The following PDE4B variants were observed in gnomAD, a reference collection of about 807,000 sequenced individuals.
The protein encoded by PDE4B is phosphodiesterase 4B.
A neutral mutation model predicts 82.2 loss-of-function variants in PDE4B; 20 were observed. The ratio of observed to expected loss-of-function variants is 0.24; its 90% confidence interval spans 0.17 to 0.35. PDE4B has a LOEUF of 0.35. PDE4B is among the 10% of genes least tolerant of loss of function. The pLI, the probability that PDE4B is intolerant of heterozygous loss-of-function variation, is 1.00. For synonymous variants in PDE4B, 320 were observed against 318.9 expected (o/e 1.00, Z -0.04); for missense variants, 655 against 907.2 (o/e 0.72, Z 3.57).
intron 7 of PDE4B, among the ~76,000 whole-genome samples, chr1:66,294,428 T>C (rs532632075): frequency 1.1e-4 from 16 of 152,294 alleles, no homozygotes; most frequent in Admixed American, 6.5e-4. Flanking sequence ...TCTACTGATA[T>C]TGGCCATCAA....
intron 3 of PDE4B, among the ~76,000 whole-genome samples, chr1:66,138,322 G>A (rs529479006): frequency 1.6e-4 from 25 of 152,234 alleles, no homozygotes; most frequent in African/African-American, 6.0e-4. Context: ...AGTTCGAGAT[G>A]AGCCTGGCCA....
intron 3 of PDE4B, among the ~76,000 whole-genome samples, chr1:66,038,584 A>C (rs1284132029): frequency 6.6e-6 from 1 of 152,156 alleles, no homozygotes; most frequent in African/African-American, 2.4e-5. Context: ...GATATCTGAG[A>C]TGGTAGAAAT....
chr1:66,009,886 A>G (rs1282844255), intron 3 of PDE4B, among the ~76,000 whole-genome samples: 4 of 149,718 alleles, frequency 2.7e-5, no homozygotes, highest in Non-Finnish European at 5.9e-5. Flanking sequence ...TCTATTTCAT[A>G]TCCATATGAT....
intron 7 of PDE4B, among the ~76,000 whole-genome samples, chr1:66,299,441 A>G (rs895220505): frequency 1.3e-5 from 2 of 152,168 alleles, no homozygotes; most frequent in East Asian, 1.9e-4. Context: ...ATTATATGCC[A>G]TATTTCCTTT....
chr1:66,307,109 G>C (rs978443689), intron 7 of PDE4B, among the ~76,000 whole-genome samples: 3 of 152,014 alleles, frequency 2.0e-5, no homozygotes, highest in African/African-American at 2.4e-5. Context: ...GAGAGAAAGA[G>C]AGGGAGAGAG....
intron 3 of PDE4B, among the ~76,000 whole-genome samples, chr1:65,953,425 C>T (rs189422083): frequency 9.2e-5 from 14 of 151,908 alleles, no homozygotes; most frequent in African/African-American, 2.7e-4. Flanking sequence ...TAATCTAGTC[C>T]GATGAAATCA....
chr1:66,137,356 T>G (rs1375570794), intron 3 of PDE4B, among the ~76,000 whole-genome samples: 4 of 152,132 alleles, frequency 2.6e-5, no homozygotes, highest in Non-Finnish European at 5.9e-5. Context: ...AAAGGAGAAG[T>G]GTGACATAAG....
intron 7 of PDE4B, among the ~76,000 whole-genome samples, chr1:66,315,589 G>A (rs11208831): frequency 0.47 from 71,284 of 151,760 alleles, 18,229 homozygotes; most frequent in East Asian, 0.82. Context: ...CTGAGTAGCT[G>A]GGATTATAGG....
intron 3 of PDE4B, among the ~76,000 whole-genome samples, chr1:66,109,968 TAG>T (rs1214602031): frequency 6.6e-6 from 1 of 151,970 alleles, no homozygotes; most frequent in Non-Finnish European, 1.5e-5. Context: ...ACTCTTAAAA[TAG>T]AGATTTTTCT....
chr1:66,252,556 A>G (rs1653869552), intron 4 of PDE4B, among the ~76,000 whole-genome samples: 1 of 152,240 alleles, frequency 6.6e-6, no homozygotes, highest in Admixed American at 6.5e-5. Flanking sequence ...ATCTCATGTA[A>G]TTGAATACTG....
intron 1 of PDE4B, among the ~76,000 whole-genome samples, chr1:65,895,727 G>T (rs2100402305): frequency 6.6e-6 from 1 of 151,270 alleles, no homozygotes; most frequent in South Asian, 2.1e-4. Flanking sequence ...AATTAGGATG[G>T]AGATCATTGC....
chr1:66,320,229 G>C (rs1238864909), intron 7 of PDE4B, among the ~76,000 whole-genome samples: 1 of 151,934 alleles, frequency 6.6e-6, no homozygotes, highest in Non-Finnish European at 1.5e-5. Context: ...CTTTGCTTGT[G>C]TCTTTCTTAT....
intron 2 of PDE4B, among the ~76,000 whole-genome samples, chr1:65,914,217 ACCCTATGGG>A (rs1196332453): frequency 6.6e-6 from 1 of 152,136 alleles, no homozygotes; most frequent in Non-Finnish European, 1.5e-5. Flanking sequence ...ACAGATGCTC[ACCCTATGGG>A]CCCTGTGGTC....
intron 1 of PDE4B, among the ~76,000 whole-genome samples, chr1:65,829,216 C>T (rs1646053220): frequency 6.6e-6 from 1 of 152,202 alleles, no homozygotes; most frequent in African/African-American, 2.4e-5. Context: ...TTATCAGAGA[C>T]AAACAGAGGC....
intron 3 of PDE4B, among the ~76,000 whole-genome samples, chr1:66,029,097 A>C (rs190548857): frequency 6.6e-6 from 1 of 152,208 alleles, no homozygotes; most frequent in South Asian, 2.1e-4. Flanking sequence ...AAGGAAAAAA[A>C]GTTTATTTAG....
intron 4 of PDE4B, among the ~76,000 whole-genome samples, chr1:66,248,657 G>T (rs1335038304): frequency 6.6e-6 from 1 of 152,202 alleles, no homozygotes; most frequent in Non-Finnish European, 1.5e-5. Context: ...CACACATTGT[G>T]TCAATCTCTG....
At chr1:66,366,646 T>A (rs1663272812) in intron 13 of PDE4B, among the ~76,000 whole-genome samples, 2 of 152,164 alleles carry the variant, frequency 1.3e-5, no homozygotes. Flanking sequence ...ACTTCATTCT[T>A]CTGTTGAACA....
At chr1:66,238,313 T>C (rs890963954) in intron 3 of PDE4B, among the ~76,000 whole-genome samples, 2 of 152,184 alleles carry the variant, frequency 1.3e-5, no homozygotes, top group African/African-American at 4.8e-5. Context: ...TGAATCACAC[T>C]GAGCAGGGCA....
At chr1:66,254,473 C>T (rs1654035646) in intron 4 of PDE4B, among the ~76,000 whole-genome samples, 1 of 152,168 alleles carries the variant, frequency 6.6e-6, no homozygotes, top group South Asian at 2.1e-4. Flanking sequence ...GTACCCCCAC[C>T]TCATGGGGCC....
Sources: allele counts gnomAD v4.1 joint callset (sites outside exome capture counted in the v4.1 genomes callset), GRCh38; gene constraint gnomAD v4.1.1; transcripts MANE v1.5; gene names NCBI Gene and HGNC (gene_info 2026-07-23, HGNC 2026-07-21).